CASR: variants seen among roughly 807,000 people sequenced by gnomAD.
The protein encoded by CASR is calcium sensing receptor, also known as extracellular calcium-sensing receptor.
A neutral mutation model predicts 69.1 loss-of-function variants in CASR; 23 were observed. That is an observed-to-expected ratio of 0.33 (90% CI 0.24 to 0.47). The LOEUF (loss-of-function observed/expected upper bound fraction) is 0.47, where lower values mean the gene tolerates loss of function less well. Among genes scored for constraint, CASR ranks in the 20% least tolerant of loss-of-function variants. CASR has a pLI of 1.00. For synonymous variants in CASR, 541 were observed against 544.7 expected (o/e 0.99, Z 0.10); for missense variants, 924 against 1,356.1 (o/e 0.68, Z 5.00).
intron 1 of CASR, among the ~76,000 whole-genome samples, chr3:122,236,268 G>A (rs2074328521): frequency 6.6e-6 from 1 of 152,194 alleles, no homozygotes; most frequent in Admixed American, 6.5e-5. Flanking sequence ...TCTTCCTCCA[G>A]AACAGCTTCA....
chr3:122,192,129 A>G (rs557236306), intron 1 of CASR, among the ~76,000 whole-genome samples: 1 of 152,344 alleles, frequency 6.6e-6, no homozygotes, highest in East Asian at 1.9e-4. Flanking sequence ...TATGAATCCA[A>G]TAATAAGGGA....
chr3:122,234,110 G>C (rs1027574093), intron 1 of CASR, among the ~76,000 whole-genome samples: 1 of 152,320 alleles, frequency 6.6e-6, no homozygotes, highest in East Asian at 1.9e-4. Context: ...TGTTTCCAAA[G>C]TCATGGAAAT....
intron 1 of CASR, among the ~76,000 whole-genome samples, chr3:122,214,722 T>C (rs2074099491): frequency 6.6e-6 from 1 of 152,178 alleles, no homozygotes; most frequent in Non-Finnish European, 1.5e-5. Context: ...ATAAAATCTC[T>C]CCTGGCTGCT....
chr3:122,201,156 AGTGTTT>A (rs2073946706), intron 1 of CASR, among the ~76,000 whole-genome samples: 1 of 152,172 alleles, frequency 6.6e-6, no homozygotes, highest in South Asian at 2.1e-4. Flanking sequence ...GGCCTTCCGC[AGTGTTT>A]GTGTCCCTGG....
At chr3:122,228,075 T>C (rs1342130376) in intron 1 of CASR, among the ~76,000 whole-genome samples, 1 of 152,144 alleles carries the variant, frequency 6.6e-6, no homozygotes, top group Admixed American at 6.5e-5. Context: ...GAACATTGAA[T>C]TGGGGATCTG....
At chr3:122,240,237 T>G (rs748152184) in intron 1 of CASR, among the ~76,000 whole-genome samples, 1 of 152,194 alleles carries the variant, frequency 6.6e-6, no homozygotes, top group African/African-American at 2.4e-5. Flanking sequence ...TGCCATGACA[T>G]GTTTAAAGTG....
intron 1 of CASR, among the ~76,000 whole-genome samples, chr3:122,187,145 GT>G (rs902430164): frequency 6.6e-6 from 1 of 152,098 alleles, no homozygotes; most frequent in African/African-American, 2.4e-5. Context: ...ACCAAATGTG[GT>G]TTATACACTG....
rs1275792743 is a variant in CASR, at chr3:122,288,296, C to G, written c.*3105C>G. On this transcript the variant is annotated 3_prime_UTR_variant, in exon 7 of 7. Coordinates refer to ENST00000639785, the MANE Select transcript of CASR (RefSeq NM_000388.4). ...TGGCAAATGCCAGAAAACCGATTCT[C>G]CCCTAAAACATCCAGAAAGGAATGC... 6.6e-6 allele frequency: 1 copy of G among 152,260 alleles called. No individual in the cohort carries two copies. Among genetic ancestry groups the G allele is most frequent in the Non-Finnish European group, 1.5e-5 (1 of 68,054 alleles). The allele number at this position is 152,260 out of a possible 1,614,324, so 9.4% of individuals were successfully genotyped here.
chr3:122,244,694 T>C (rs535237006), intron 1 of CASR, among the ~76,000 whole-genome samples: 1 of 152,242 alleles, frequency 6.6e-6, no homozygotes, highest in South Asian at 2.1e-4. Context: ...AATGTTTACA[T>C]TGTGGAAATT....
chr3:122,229,928 G>C (rs555013584), intron 1 of CASR, among the ~76,000 whole-genome samples: 40 of 152,234 alleles, frequency 2.6e-4, no homozygotes, highest in Non-Finnish European at 1.3e-4. Flanking sequence ...AATAATGAGA[G>C]ACTGTACATT....
chr3:122,283,520 G>T (rs538492621), intron 6 of CASR, among the ~76,000 whole-genome samples, 167 bp from the exon 7 acceptor site: 1 of 152,196 alleles, frequency 6.6e-6, no homozygotes, highest in South Asian at 2.1e-4. Context: ...AACATGTCGG[G>T]GTTCAGCATA....
intron 4 of CASR, among the ~76,000 whole-genome samples, chr3:122,265,329 A>T (rs2074680050): frequency 6.6e-6 from 1 of 152,158 alleles, no homozygotes; most frequent in African/African-American, 2.4e-5. Flanking sequence ...CAGTCAACTC[A>T]TATGCCTCAA....
Position 122,285,455 on chromosome 3 carries a change from A to G in CASR, c.*264A>G, listed in dbSNP as rs199646422. On this transcript the variant is annotated 3_prime_UTR_variant, in exon 7 of 7. Coordinates refer to ENST00000639785, the MANE Select transcript of CASR (RefSeq NM_000388.4). ...ACGGTCAGATTTGCTGTTCACCCAC[A>G]TCTAATGTCTCTTCCTCTGTTCTAT... 2 of 458,550 alleles carry G rather than the reference A, an allele frequency of 4.4e-6. No individual in the cohort carries two copies. The highest frequency in any genetic ancestry group is 4.0e-6 in the Non-Finnish European group (1 of 248,890). 28.4% of individuals were successfully genotyped at this position (458,550 alleles called of 1,614,324 possible).
chr3:122,261,251 TG>T (rs891048590), intron 3 of CASR, among the ~76,000 whole-genome samples: 2 of 152,238 alleles, frequency 1.3e-5, no homozygotes, highest in African/African-American at 4.8e-5. Flanking sequence ...GTTGATTTTA[TG>T]GCCAGACCCA....
Position 122,287,094 on chromosome 3 carries a change from C to G in CASR, c.*1903C>G, listed in dbSNP as rs571776635. On this transcript the variant is annotated 3_prime_UTR_variant, in exon 7 of 7. Coordinates refer to ENST00000639785, the MANE Select transcript of CASR (RefSeq NM_000388.4). ...GCAGTCATGCCTCTGAGCAAGGCAC[C>G]GAGCTGAGTGGGGATTTATATTTAA... The G allele has an allele frequency of 6.6e-6, 1 of 152,170 alleles. No homozygotes were observed. The highest frequency in any genetic ancestry group is 1.5e-5 in the Non-Finnish European group (1 of 68,046). The allele number at this position is 152,170 out of a possible 1,614,324, so 9.4% of individuals were successfully genotyped here.
rs1481102100 is a variant in CASR, at chr3:122,289,413, G to A, written c.*4222G>A. The A allele has an allele frequency of 1.3e-5, 2 of 152,302 alleles. No individual in the cohort carries two copies. Among genetic ancestry groups the A allele is most frequent in the Non-Finnish European group, 2.9e-5 (2 of 68,120 alleles). 9.4% of individuals were successfully genotyped at this position (152,302 alleles called of 1,614,324 possible). ...ATCAAGACTTGGATGACAACTTTGA[G>A]TGACTTTGCTATTATGCAAGGAGTG... is the stretch of plus-strand genomic sequence containing the variant. On this transcript the variant is annotated 3_prime_UTR_variant, in exon 7 of 7. Transcript: ENST00000639785.
intron 1 of CASR, among the ~76,000 whole-genome samples, chr3:122,216,269 C>T (rs1203688434): frequency 6.6e-6 from 1 of 152,174 alleles, no homozygotes; most frequent in Non-Finnish European, 1.5e-5. Flanking sequence ...TTTGTCCCTT[C>T]AGGGCTACCT....
intron 1 of CASR, among the ~76,000 whole-genome samples, chr3:122,190,618 A>G (rs1011883520): frequency 2.6e-5 from 4 of 152,264 alleles, no homozygotes; most frequent in East Asian, 1.9e-4. Flanking sequence ...CTCATCAAGC[A>G]TAGACAGCGT....
chr3:122,218,597 G>C (rs1357269629), intron 1 of CASR, among the ~76,000 whole-genome samples: 1 of 117,580 alleles, frequency 8.5e-6, no homozygotes, highest in African/African-American at 3.1e-5. Context: ...ATCTGGTGGT[G>C]AACTGGATAA....
Sources: gnomAD v4.1 joint callset for allele counts (sites outside exome capture counted in the v4.1 genomes callset) on GRCh38, gnomAD v4.1.1 for gene constraint, MANE v1.5 for transcripts, NCBI Gene and HGNC (gene_info 2026-07-23, HGNC 2026-07-21) for gene names.